The following LIN7A variants were observed in gnomAD, a reference collection of about 807,000 sequenced individuals.
LIN7A encodes lin-7 cell polarity scaffold A, also known as protein lin-7 homolog A.
LIN7A carries 25 observed loss-of-function variants against 29.8 expected under a neutral mutation model. The ratio of observed to expected loss-of-function variants is 0.84; its 90% CI spans 0.61 to 1.17. The LOEUF is 1.17. Ranked by LOEUF, LIN7A falls within the 50% of genes most tolerant of loss-of-function variation. The probability of loss-of-function intolerance (pLI) is 0.00; values close to 1 mark genes in which losing one functional copy is unlikely to be tolerated. For synonymous variants in LIN7A, 118 were observed against 107.5 expected, an observed-to-expected ratio of 1.10 and a Z score of -0.60; for missense variants, 239 against 287.0, an observed-to-expected ratio of 0.83 and a Z score of 1.21.
chr12:80,876,292 G>A (rs1874700175), intron 2 of LIN7A, among the ~76,000 whole-genome samples: 1 of 152,138 alleles, frequency 6.6e-6, no homozygotes, highest in Non-Finnish European at 1.5e-5. Flanking sequence ...TTCCTATGTG[G>A]AGACTATGAT....
At chr12:80,841,075 C>T (rs1270036703) in intron 4 of LIN7A, among the ~76,000 whole-genome samples, 1 of 152,200 alleles carries the variant, frequency 6.6e-6, no homozygotes, top group East Asian at 1.9e-4. Context: ...GTCATCATTC[C>T]CCTAAATATT....
intron 4 of LIN7A, among the ~76,000 whole-genome samples, chr12:80,845,406 A>C (rs976475842): frequency 1.3e-4 from 20 of 152,184 alleles, no homozygotes; most frequent in Non-Finnish European, 2.6e-4. Context: ...TGCTTATAGT[A>C]ACTTAGGATA....
intron 1 of LIN7A, among the ~76,000 whole-genome samples, chr12:80,933,783 G>A (rs1273871641): frequency 1.3e-5 from 2 of 152,074 alleles, no homozygotes; most frequent in Admixed American, 6.6e-5. Context: ...AAATGTCACT[G>A]ACTCAGGAGG....
At chr12:80,930,561 G>A (rs1364672358) in intron 1 of LIN7A, among the ~76,000 whole-genome samples, 4 of 152,086 alleles carry the variant, frequency 2.6e-5, no homozygotes, top group Non-Finnish European at 5.9e-5. Context: ...TGTGGAGGGG[G>A]GCAATTCTAT....
intron 3 of LIN7A, among the ~76,000 whole-genome samples, chr12:80,847,133 A>G (rs1236196299): frequency 1.3e-5 from 2 of 152,236 alleles, no homozygotes; most frequent in African/African-American, 4.8e-5. Context: ...TTAATGGCTG[A>G]CATGGATGCA....
At chr12:80,832,473 C>A (rs1161945509) in intron 4 of LIN7A, 1 of 453,340 alleles carries the variant, frequency 2.2e-6, no homozygotes, top group Non-Finnish European at 4.5e-6. Flanking sequence ...AACTCTGGTG[C>A]TCCTCCACAC....
intron 1 of LIN7A, among the ~76,000 whole-genome samples, chr12:80,912,133 T>C (rs1322796223): frequency 6.6e-6 from 1 of 152,226 alleles, no homozygotes; most frequent in East Asian, 1.9e-4. Context: ...ATTAGTATGC[T>C]GGTTTATCAA....
intron 4 of LIN7A, among the ~76,000 whole-genome samples, chr12:80,845,013 C>T (rs1872995068): frequency 6.6e-6 from 1 of 151,850 alleles, no homozygotes; most frequent in Non-Finnish European, 1.5e-5. Context: ...CCGAGGCAGG[C>T]GGATCACGAG....
At chr12:80,914,598 A>G (rs1381523500) in intron 1 of LIN7A, among the ~76,000 whole-genome samples, 1 of 152,168 alleles carries the variant, frequency 6.6e-6, no homozygotes, top group Admixed American at 6.6e-5. Context: ...ATCTTTCATG[A>G]CTTTCTTCAT....
At chr12:80,857,481 T>A (rs984220512) in intron 2 of LIN7A, among the ~76,000 whole-genome samples, 14 of 152,246 alleles carry the variant, frequency 9.2e-5, no homozygotes, top group African/African-American at 3.4e-4. Flanking sequence ...TTAATAGCAC[T>A]GAAACCTCAT....
intron 4 of LIN7A, among the ~76,000 whole-genome samples, chr12:80,843,716 C>G (rs921331824): frequency 1.3e-5 from 2 of 152,068 alleles, no homozygotes; most frequent in Non-Finnish European, 2.9e-5. Flanking sequence ...AAATTAGTTA[C>G]TATTCCCTTT....
intron 1 of LIN7A, among the ~76,000 whole-genome samples, chr12:80,932,304 A>G (rs1419464772): frequency 6.6e-6 from 1 of 152,194 alleles, no homozygotes; most frequent in African/African-American, 2.4e-5. Context: ...CACAAAATAA[A>G]AGTTCTTGGT....
chr12:80,877,558 G>C (rs1874774791), intron 2 of LIN7A, among the ~76,000 whole-genome samples: 2 of 151,994 alleles, frequency 1.3e-5, no homozygotes, highest in South Asian at 4.1e-4. Context: ...AAAAAGCTGG[G>C]ATCAGTTTTC....
chr12:80,795,160 A>T lies in LIN7A; in HGVS notation c.*2567T>A, dbSNP rs1870390031. 6.6e-6 allele frequency: 1 copy of T among 152,128 alleles called. No individual in the cohort carries two copies. The highest frequency in any genetic ancestry group is 2.4e-5 in the African/African-American group (1 of 41,442). 9.4% of individuals were successfully genotyped at this position (152,128 alleles called of 1,614,324 possible). On this transcript the variant is annotated 3_prime_UTR_variant, in exon 6 of 6. Transcript: ENST00000552864. ...TCTAATATGATCGTTAATAATGAAG[A>T]TAATTAGTATAATACAAGTTGTGGT...
At chr12:80,805,168 G>A (rs1346174533) in intron 5 of LIN7A, among the ~76,000 whole-genome samples, 1 of 152,154 alleles carries the variant, frequency 6.6e-6, no homozygotes. Flanking sequence ...CACACTAATT[G>A]TTTAATAAGT....
intron 1 of LIN7A, among the ~76,000 whole-genome samples, chr12:80,921,107 T>C (rs973298929): frequency 2.6e-5 from 4 of 152,178 alleles, no homozygotes; most frequent in East Asian, 3.9e-4. Flanking sequence ...TGAGATATGA[T>C]TAAGTCAAGA....
At chr12:80,820,325 T>C (rs144922024) in intron 4 of LIN7A, among the ~76,000 whole-genome samples, 1 of 152,206 alleles carries the variant, frequency 6.6e-6, no homozygotes, top group Non-Finnish European at 1.5e-5. Flanking sequence ...GTGAGAGCAG[T>C]TAGAAATAGA....
At chr12:80,810,659 C>A (rs190379446) in intron 5 of LIN7A, among the ~76,000 whole-genome samples, 4 of 152,236 alleles carry the variant, frequency 2.6e-5, no homozygotes, top group East Asian at 1.9e-4. Flanking sequence ...TTTTGAGGAA[C>A]CTCCATATTG....
In LIN7A at chr12:80,918,398, A is replaced by G. The variant is rs570033956; in HGVS notation, c.82+19243T>C. ...TTCCTGAACCAAGTAGGTGGAATATATTTAGATCCCAAACTAGGTAATGCA... is the reference window on the plus strand; with the variant it reads ...TTCCTGAACCAAGTAGGTGGAATATGTTTAGATCCCAAACTAGGTAATGCA... On this transcript the variant is annotated intron_variant, in intron 1 of 5. Transcript: ENST00000552864. Among the ~76,000 whole-genome samples the G allele has an allele frequency of 2.4e-4, 36 of 152,144 alleles. 1 individual carries two copies. The highest frequency in any genetic ancestry group is 8.2e-4 in the African/African-American group (34 of 41,504).
Sources: gnomAD v4.1 joint callset for allele counts (sites outside exome capture counted in the v4.1 genomes callset) on GRCh38, gnomAD v4.1.1 for gene constraint, MANE v1.5 for transcripts, NCBI Gene and HGNC (gene_info 2026-07-23, HGNC 2026-07-21) for gene names.